The following MBNL1 variants were observed in gnomAD, a reference collection of about 807,000 sequenced individuals.
MBNL1 encodes muscleblind like splicing regulator 1.
In MBNL1, 8 loss-of-function variants were observed where a neutral mutation model predicts 42.2. That is an observed-to-expected ratio of 0.19 (90% CI 0.11 to 0.34). The LOEUF (loss-of-function observed/expected upper bound fraction) is 0.34. Ranked by LOEUF, MBNL1 falls within the 10% of genes least tolerant of loss-of-function variation. The pLI is 1.00. For missense variants in MBNL1, 309 were observed against 495.3 expected (o/e 0.62, Z 3.57); for synonymous variants, 169 against 173.9 (o/e 0.97, Z 0.22).
chr3:152,426,301 A>C (rs761051951), intron 3 of MBNL1, among the ~76,000 whole-genome samples: 21 of 152,206 alleles, frequency 1.4e-4, no homozygotes, highest in Non-Finnish European at 2.4e-4. Context: ...ATGTATGCCC[A>C]TGTAACAAAC....
intron 2 of MBNL1, among the ~76,000 whole-genome samples, chr3:152,316,294 A>G (rs1235493744): frequency 6.6e-6 from 1 of 152,156 alleles, no homozygotes; most frequent in African/African-American, 2.4e-5. Flanking sequence ...AAAAGTGAAA[A>G]CTCAGCGTTG....
chr3:152,341,190 CTT>C (rs905965804), intron 2 of MBNL1, among the ~76,000 whole-genome samples: 20 of 152,178 alleles, frequency 1.3e-4, no homozygotes, highest in African/African-American at 4.6e-4. Context: ...TTTATTAACA[CTT>C]ATAGTGAGTT....
chr3:152,343,105 A>T (rs1482477906), intron 2 of MBNL1, among the ~76,000 whole-genome samples: 1 of 152,182 alleles, frequency 6.6e-6, no homozygotes, highest in East Asian at 1.9e-4. Context: ...GGAAGAAGGC[A>T]TCAGAGATCA....
intron 1 of MBNL1, among the ~76,000 whole-genome samples, chr3:152,278,469 C>T (rs2046540395): frequency 6.6e-6 from 1 of 151,866 alleles, no homozygotes; most frequent in African/African-American, 2.4e-5. Flanking sequence ...ATATTTTTTC[C>T]TTCAATAGGA....
intron 2 of MBNL1, among the ~76,000 whole-genome samples, chr3:152,346,222 C>T (rs986192216): frequency 2.0e-5 from 3 of 152,054 alleles, no homozygotes; most frequent in South Asian, 2.1e-4. Flanking sequence ...GAAGTTATGT[C>T]CTTGGGCAGT....
chr3:152,421,751 A>T (rs182505851), intron 3 of MBNL1, among the ~76,000 whole-genome samples: 1 of 152,352 alleles, frequency 6.6e-6, no homozygotes, highest in Non-Finnish European at 1.5e-5. Flanking sequence ...GAAACCCTAC[A>T]AGCCAGAAGA....
At chr3:152,429,513 G>A (rs368804934) in intron 3 of MBNL1, among the ~76,000 whole-genome samples, 5 of 152,154 alleles carry the variant, frequency 3.3e-5, no homozygotes, top group Admixed American at 1.3e-4. Context: ...ATTGTTATAT[G>A]TTATCCTTCA....
intron 3 of MBNL1, among the ~76,000 whole-genome samples, chr3:152,421,228 A>C (rs2098799641): frequency 6.6e-6 from 1 of 152,200 alleles, no homozygotes; most frequent in East Asian, 1.9e-4. Flanking sequence ...CCAACCTAGC[A>C]AGATAGGCTG....
intron 1 of MBNL1, among the ~76,000 whole-genome samples, chr3:152,285,137 T>C (rs1285194942): frequency 6.6e-6 from 1 of 152,186 alleles, no homozygotes; most frequent in Non-Finnish European, 1.5e-5. Context: ...GGGTTTCTCC[T>C]TCACTTACAC....
At chr3:152,460,470 C>T (rs1442680664) in intron 9 of MBNL1, among the ~76,000 whole-genome samples, 3 of 72,468 alleles carry the variant, frequency 4.1e-5, no homozygotes, top group Non-Finnish European at 5.2e-5. Flanking sequence ...GTGGTGGGGT[C>T]GGGGGAGGGG....
At chr3:152,373,030 A>G (rs1039934378) in intron 2 of MBNL1, among the ~76,000 whole-genome samples, 3 of 152,144 alleles carry the variant, frequency 2.0e-5, no homozygotes, top group Non-Finnish European at 4.4e-5. Flanking sequence ...CAGTCTGGCT[A>G]TGGCAGCTTT....
At chr3:152,348,335 G>C (rs2094533906) in intron 2 of MBNL1, among the ~76,000 whole-genome samples, 1 of 152,146 alleles carries the variant, frequency 6.6e-6, no homozygotes, top group South Asian at 2.1e-4. Flanking sequence ...TGTGCTAGTG[G>C]AAATCAATGA....
At chr3:152,357,739 A>G (rs2095630616) in intron 2 of MBNL1, among the ~76,000 whole-genome samples, 1 of 152,122 alleles carries the variant, frequency 6.6e-6, no homozygotes, top group Admixed American at 6.5e-5. Context: ...CCCACAGGAG[A>G]TTGGCTATAG....
rs1412185758 is a variant in MBNL1 at position 152,463,154 on chromosome 3, T to G, written c.*788T>G. On this transcript the variant is annotated 3_prime_UTR_variant, in exon 10 of 10. Transcript: ENST00000324210. ...GGGCACCATTCTTTTTTTTTTTTTT[T>G]GAAACCAAAGCTGTCTCAGAAATGG... 3 of 151,488 alleles carry G rather than the reference T, an allele frequency of 2.0e-5. No individual in the cohort carries two copies. Among genetic ancestry groups the G allele is most frequent in the Admixed American group, 1.3e-4 (2 of 15,152 alleles). The allele number at this position is 151,488 out of a possible 1,614,324, so 9.4% of individuals were successfully genotyped here.
chr3:152,295,614 T>C (rs1206302112), intron 1 of MBNL1, among the ~76,000 whole-genome samples: 1 of 152,108 alleles, frequency 6.6e-6, no homozygotes, highest in Admixed American at 6.5e-5. Context: ...ATATATAACA[T>C]TGAGGGGGAG....
intron 2 of MBNL1, among the ~76,000 whole-genome samples, chr3:152,258,778 A>G (rs2035818941): frequency 6.6e-6 from 1 of 152,256 alleles, no homozygotes; most frequent in Non-Finnish European, 1.5e-5. Flanking sequence ...GAAAATGCCC[A>G]AAGTTATGCC....
intron 3 of MBNL1, among the ~76,000 whole-genome samples, chr3:152,417,193 TG>T (rs1182349259): frequency 1.3e-5 from 2 of 149,880 alleles, no homozygotes; most frequent in African/African-American, 2.4e-5. Flanking sequence ...TTATCCTTTT[TG>T]TAGTCAGCCC....
intron 2 of MBNL1, among the ~76,000 whole-genome samples, chr3:152,378,388 G>A (rs1025410683): frequency 6.6e-5 from 10 of 151,976 alleles, no homozygotes; most frequent in African/African-American, 2.4e-4. Context: ...ATATAGTAAT[G>A]TACTTTTTAA....
intron 6 of MBNL1, among the ~76,000 whole-genome samples, chr3:152,448,500 A>G (rs1275194076): frequency 6.6e-6 from 1 of 152,186 alleles, no homozygotes; most frequent in African/African-American, 2.4e-5. Context: ...AACTTACTTC[A>G]GAAAATACAT....
Sources: gnomAD v4.1 joint callset for allele counts (sites outside exome capture counted in the v4.1 genomes callset) on GRCh38, gnomAD v4.1.1 for gene constraint, MANE v1.5 for transcripts, NCBI Gene and HGNC (gene_info 2026-07-23, HGNC 2026-07-21) for gene names.